The following FANCD2OS variants were observed in gnomAD, a reference collection of about 807,000 sequenced individuals.
FANCD2OS encodes FANCD2 opposite strand protein.
FANCD2OS carries 11 observed loss-of-function variants against 13.2 expected under a neutral mutation model. The ratio of observed to expected loss-of-function variants is 0.83; its 90% CI spans 0.52 to 1.38. The LOEUF (loss-of-function observed/expected upper bound fraction) is 1.38, where lower values mean the gene tolerates loss of function less well. Ranked by LOEUF, FANCD2OS falls within the 40% of genes most tolerant of loss-of-function variation. The pLI, the probability that FANCD2OS is intolerant of heterozygous loss-of-function variation, is 0.00. For missense variants in FANCD2OS, 217 were observed against 213.9 expected, an observed-to-expected ratio of 1.01 and a Z score of -0.09; for synonymous variants, 69 against 84.5, an observed-to-expected ratio of 0.82 and a Z score of 1.01.
Position 10,084,151 on chromosome 3 carries a change from A to G in FANCD2OS, c.*44-2620T>C, listed in dbSNP as rs1194866824. On this transcript the variant is annotated intron_variant, in intron 2 of 2. Coordinates refer to the FANCD2OS transcript ENST00000524279. ...TGAGATTACATGCGCCTGCCACTGC[A>G]CCTGGCTAATTTTTGTATTTTTAGT... Among the ~76,000 whole-genome samples, 5 of 151,644 alleles carry G rather than the reference A, an allele frequency of 3.3e-5. No homozygotes were observed. The East Asian group carries it at 9.8e-4, about 30-fold the overall frequency.
chr3:10,100,959 C>T (rs1365076359), downstream of FANCD2OS, among the ~76,000 whole-genome samples: 2 of 151,812 alleles, frequency 1.3e-5, no homozygotes, highest in East Asian at 1.9e-4. Flanking sequence ...ATCCCAGCTA[C>T]TTGGGAGGCT....
intron 2 of FANCD2OS, among the ~76,000 whole-genome samples, chr3:10,082,096 C>T (rs549514385): frequency 6.6e-6 from 1 of 152,330 alleles, no homozygotes; most frequent in Non-Finnish European, 1.5e-5. Context: ...GGCATTGACA[C>T]CTCACACTCC....
intron 2 of FANCD2OS, among the ~76,000 whole-genome samples, chr3:10,085,607 G>T (rs1694144369): frequency 6.6e-6 from 1 of 151,782 alleles, no homozygotes; most frequent in African/African-American, 2.4e-5. Flanking sequence ...GGCCAAGATG[G>T]TCTCCATGTG....
chr3:10,088,578 C>CT lies in FANCD2OS; in HGVS notation c.*44-7048dup, dbSNP rs777197502. The CT allele has an allele frequency of 2.3e-5, 33 of 1,409,814 alleles. No individual in the cohort carries two copies. In the African/African-American group the frequency reaches 4.1e-4, roughly 17 times the overall value. 87.3% of individuals were successfully genotyped at this position (1,409,814 alleles called of 1,614,324 possible). A position where few individuals can be genotyped will look rare whatever the true frequency, so the allele number is the denominator to read the frequency against. On this transcript the variant is annotated intron_variant, in intron 2 of 2. Coordinates refer to the FANCD2OS transcript ENST00000524279. ...TGGTTTCTTCCAATGAGCCAAATAGCTTTTTTCTATTTTGCTACTGTTGTT... is the reference window on the plus strand; with the variant it reads ...TGGTTTCTTCCAATGAGCCAAATAGCTTTTTTTCTATTTTGCTACTGTTGTT...
chr3:10,087,916 G>A (rs1362621803), intron 2 of FANCD2OS, among the ~76,000 whole-genome samples: 3 of 152,126 alleles, frequency 2.0e-5, no homozygotes, highest in Non-Finnish European at 4.4e-5. Flanking sequence ...CAAAGTGCTG[G>A]GATTACAGAC....
rs898418412 is a variant in FANCD2OS, at chr3:10,104,292, C to G, written c.483G>C (p.Leu161Phe). ...TGCACTTTTTGTAAGTTGCATACAGCAAGAGGATAGAGCGCAGCATCTGTT... is the reference window on the plus strand; with the variant it reads ...TGCACTTTTTGTAAGTTGCATACAGGAAGAGGATAGAGCGCAGCATCTGTT... ...MCKQMLRSIL[L>F]LYATYKKCTF... The change falls in exon 2 of 2, where the codon TTG becomes TTC. Residue 161 changes from leucine (L) to phenylalanine (F), a missense_variant. Coordinates refer to ENST00000450660, the MANE Select transcript of FANCD2OS (RefSeq NM_001164839.2). 2.5e-6 allele frequency: 4 copies of G among 1,613,888 alleles called. No homozygotes were observed. In the Admixed American group the frequency reaches 5.0e-5, roughly 20 times the overall value.
At chr3:10,096,503 C>G (rs745620718) in intron 2 of FANCD2OS, 1 of 1,609,800 alleles carries the variant, frequency 6.2e-7, no homozygotes, top group Non-Finnish European at 8.5e-7. Context: ...GTGATAATCC[C>G]CTACTCTTAT....
At chr3:10,097,165 A>G (rs1695019615) in intron 2 of FANCD2OS, among the ~76,000 whole-genome samples, 1 of 152,212 alleles carries the variant, frequency 6.6e-6, no homozygotes, top group Non-Finnish European at 1.5e-5. Context: ...AGGCAAGTGG[A>G]GGCAGGGTGA....
chr3:10,098,525 G>A (rs1489340731), downstream of FANCD2OS, among the ~76,000 whole-genome samples: 1 of 152,020 alleles, frequency 6.6e-6, no homozygotes, highest in Non-Finnish European at 1.5e-5. Flanking sequence ...ATTGTATCAG[G>A]GCCACAGACA....
At chr3:10,095,878 A>ATTTTT (rs397950663) in intron 2 of FANCD2OS, among the ~76,000 whole-genome samples, 47 of 125,778 alleles carry the variant, frequency 3.7e-4, no homozygotes, top group African/African-American at 1.2e-3. Context: ...CTGAACAGTG[A>ATTTTT]TTTTTTTTTT....
At chr3:10,102,764 A>G (rs1695353263), downstream of FANCD2OS, 1 of 152,666 alleles carries the variant, frequency 6.6e-6, no homozygotes, top group African/African-American at 2.5e-5. Context: ...AATGGTGTGA[A>G]CCCGGGAGGT....
chr3:10,093,622 G>T (rs542617214), intron 2 of FANCD2OS, among the ~76,000 whole-genome samples: 1 of 152,172 alleles, frequency 6.6e-6, no homozygotes, highest in East Asian at 1.9e-4. Flanking sequence ...CCAGGCAAAA[G>T]GGAGGAAGGA....
At chr3:10,094,873 G>A in intron 2 of FANCD2OS, 1 of 395,142 alleles carries the variant, frequency 2.5e-6, no homozygotes, top group Non-Finnish European at 4.8e-6. Flanking sequence ...CACCATATTT[G>A]GTTGGTCCCT....
intron 2 of FANCD2OS, chr3:10,090,435 A>C: frequency 1.3e-6 from 1 of 794,060 alleles, no homozygotes. Flanking sequence ...ATTACTTGGA[A>C]GTTGCTGATT....
At chr3:10,089,041 G>C in intron 2 of FANCD2OS, 1 of 1,417,722 alleles carries the variant, frequency 7.1e-7, no homozygotes, top group Non-Finnish European at 9.9e-7. Flanking sequence ...CCAGCACTTT[G>C]GGAGGCTGAG....
chr3:10,105,935 G>A (rs1384868138), intron 1 of FANCD2OS, among the ~76,000 whole-genome samples: 4 of 150,764 alleles, frequency 2.7e-5, no homozygotes. Context: ...AACTCCACGT[G>A]GGACCCAGCA....
intron 1 of FANCD2OS, among the ~76,000 whole-genome samples, chr3:10,105,814 A>ATG (rs1695482116): frequency 2.6e-5 from 2 of 75,524 alleles, no homozygotes; most frequent in African/African-American, 1.2e-4. Context: ...ATATATATAT[A>ATG]TATATATTTT....
At position 10,093,336 on chromosome 3, in the gene FANCD2OS, C is replaced by T. The variant is rs1455549436; in HGVS notation, c.*43+10862G>A. The T allele has an allele frequency of 1.4e-5, 22 of 1,602,388 alleles. No homozygotes were observed. In the Admixed American group the frequency reaches 2.8e-4, roughly 21 times the overall value. ...TGTATGTTTGAAGGTGAGAGATTTACTGGGCCCTGTTTCATATTTATTCTT... is the reference window on the plus strand; with the variant it reads ...TGTATGTTTGAAGGTGAGAGATTTATTGGGCCCTGTTTCATATTTATTCTT... On this transcript the variant is annotated intron_variant, in intron 2 of 2. Transcript: ENST00000524279.
chr3:10,105,488 T>C (rs935460007), intron 1 of FANCD2OS, among the ~76,000 whole-genome samples: 5 of 151,852 alleles, frequency 3.3e-5, no homozygotes, highest in Admixed American at 6.6e-5. Flanking sequence ...CAGTGGCTCA[T>C]GCCTATAATC....
Sources: allele counts gnomAD v4.1 joint callset (sites outside exome capture counted in the v4.1 genomes callset), GRCh38; gene constraint gnomAD v4.1.1; transcripts MANE v1.5; gene names NCBI Gene and HGNC (gene_info 2026-07-23, HGNC 2026-07-21).